The following ADGRG4 variants were observed in gnomAD, a reference collection of about 807,000 sequenced individuals.
The protein encoded by ADGRG4 is adhesion G protein-coupled receptor G4.
Under a neutral mutation model 126.2 loss-of-function variants are expected in ADGRG4, and 122 were observed. The ratio of observed to expected loss-of-function variants is 0.97; its 90% CI spans 0.83 to 1.12. The LOEUF (loss-of-function observed/expected upper bound fraction) is 1.12, where lower values mean the gene tolerates loss of function less well. Among genes scored for constraint, ADGRG4 ranks in the 50% most tolerant of loss-of-function variants. ADGRG4 has a pLI of 0.00. For missense variants in ADGRG4, 2,481 were observed against 2,251.8 expected (o/e 1.10, Z -2.06); for synonymous variants, 943 against 838.7 (o/e 1.12, Z -2.15).
Position 136,395,792 on chromosome X carries a change from A to G in ADGRG4, c.8184+299A>G, listed in dbSNP as rs755283065. On this transcript the variant is annotated intron_variant, in intron 19 of 25. Transcript: ENST00000394143. ...ATTCATTTAGGTTCTTTTCCTGTGT[A>G]TATAGGAATGTACATTTTTGTTTTA... 4.5e-5 allele frequency among the ~76,000 whole-genome samples: 5 copies of G among 112,192 alleles called. No individual in the cohort carries two copies. In the South Asian group the frequency reaches 1.9e-3, roughly 42 times the overall value.
At chrX:136,383,907 T>A (rs2075279503) in intron 15 of ADGRG4, among the ~76,000 whole-genome samples, 1 of 102,729 alleles carries the variant, frequency 9.7e-6, no homozygotes, top group Non-Finnish European at 2.0e-5. Flanking sequence ...TTCCTTTCCT[T>A]TCTTTTTGGA....
chrX:136,379,308 A>G (rs894069867), intron 15 of ADGRG4, among the ~76,000 whole-genome samples: 2 of 111,558 alleles, frequency 1.8e-5, no homozygotes, highest in African/African-American at 3.3e-5. Flanking sequence ...TGTAGGATTT[A>G]TAGCAGGAGT....
At chrX:136,360,178 C>T (rs1024646428) in intron 11 of ADGRG4, among the ~76,000 whole-genome samples, 25 of 111,101 alleles carry the variant, frequency 2.3e-4, no homozygotes, top group Non-Finnish European at 3.6e-4. Flanking sequence ...TGAATGTGTC[C>T]TAAGAATGAG....
At position 136,357,825 on chromosome X, in the gene ADGRG4, T is replaced by C. The variant is rs1261634203; in HGVS notation, c.6980+69T>C. On this transcript the variant is annotated intron_variant, in intron 10 of 25. Transcript: ENST00000394143. ...TTCTGATTTTCCTTCCATTTAATTC[T>C]GCATGTGCGGCCAGTTGGCCAGAGT... 10 of 761,151 alleles carry C rather than the reference T, an allele frequency of 1.3e-5. No homozygotes were observed. In the Middle Eastern group the frequency reaches 2.1e-3, roughly 159 times the overall value. 62.7% of individuals were successfully genotyped at this position (761,151 alleles called of 1,213,427 possible).
chrX:136,409,741 T>C (rs891312064), intron 23 of ADGRG4, among the ~76,000 whole-genome samples: 1 of 112,156 alleles, frequency 8.9e-6, no homozygotes, highest in African/African-American at 3.2e-5. Flanking sequence ...GCCAAGATCT[T>C]CCCAATCAAA....
At chrX:136,307,299 C>A (rs1344410903) in intron 3 of ADGRG4, among the ~76,000 whole-genome samples, 3 of 112,301 alleles carry the variant, frequency 2.7e-5, no homozygotes, top group Non-Finnish European at 5.6e-5. Flanking sequence ...TTATTATCTC[C>A]ATTTTTACAG....
At chrX:136,381,821 A>T (rs1240424588) in intron 15 of ADGRG4, among the ~76,000 whole-genome samples, 1 of 111,361 alleles carries the variant, frequency 9.0e-6, no homozygotes, top group African/African-American at 3.3e-5. Flanking sequence ...CTCAAAATTG[A>T]AGAATTTGGA....
At chrX:136,342,015 C>T (rs1255049772) in intron 5 of ADGRG4, among the ~76,000 whole-genome samples, 2 of 111,787 alleles carry the variant, frequency 1.8e-5, no homozygotes, top group Non-Finnish European at 3.8e-5. Flanking sequence ...ATGACTCAGT[C>T]TTGAATTTTA....
chrX:136,390,915 AG>A (rs1238824397), intron 16 of ADGRG4, among the ~76,000 whole-genome samples: 1 of 110,561 alleles, frequency 9.0e-6, no homozygotes. Context: ...AAGGGGTAAT[AG>A]GGCTTAGGAG....
chrX:136,361,342 C>T (rs867901793), intron 11 of ADGRG4, 113 bp from the exon 12 acceptor site: 2 of 291,592 alleles, frequency 6.9e-6, no homozygotes, highest in African/African-American at 3.0e-5. Flanking sequence ...ATAATAATGA[C>T]GTTCATAATA....
chrX:136,380,525 CTG>C (rs1340982038), intron 15 of ADGRG4, among the ~76,000 whole-genome samples: 2 of 97,888 alleles, frequency 2.0e-5, no homozygotes, highest in Admixed American at 1.1e-4. Flanking sequence ...GCTGCTGCTG[CTG>C]CTGCCTCCTC....
At chrX:136,376,513 A>T (rs1007637483) in intron 15 of ADGRG4, among the ~76,000 whole-genome samples, 1 of 111,912 alleles carries the variant, frequency 8.9e-6, no homozygotes, top group Non-Finnish European at 1.9e-5. Flanking sequence ...GATTCTTTCC[A>T]TCATGAGCAA....
At chrX:136,337,948 G>C (rs2074957099) in intron 5 of ADGRG4, among the ~76,000 whole-genome samples, 1 of 110,794 alleles carries the variant, frequency 9.0e-6, no homozygotes, top group Non-Finnish European at 1.9e-5. Context: ...ATGAATGTTG[G>C]ATATTTTGTT....
chrX:136,317,499 C>CA (rs35736381), intron 4 of ADGRG4, among the ~76,000 whole-genome samples: 416 of 40,437 alleles, frequency 0.01, 5 homozygotes, highest in African/African-American at 0.026. Context: ...GACTCCATCT[C>CA]AAAAAAAAAA....
intron 15 of ADGRG4, among the ~76,000 whole-genome samples, chrX:136,379,583 C>A (rs2075247241): frequency 1.9e-5 from 2 of 107,301 alleles, no homozygotes; most frequent in African/African-American, 6.8e-5. Context: ...CTCTTCTTCC[C>A]TTGCTGTCCT....
intron 8 of ADGRG4, 83 bp from the exon 9 acceptor site, chrX:136,356,043 A>G (rs940661364): frequency 1.5e-5 from 9 of 618,069 alleles, no homozygotes; most frequent in African/African-American, 2.2e-5. Flanking sequence ...TCTGCCTCAG[A>G]GTTGCCTTTC....
intron 14 of ADGRG4, 28 bp from the exon 15 acceptor site, chrX:136,372,874 G>T (rs768868973): frequency 6.7e-6 from 8 of 1,201,193 alleles, no homozygotes; most frequent in Non-Finnish European, 9.0e-6. Flanking sequence ...AAGGTAGGAT[G>T]CTCTTCTCCA....
In ADGRG4 at chrX:136,345,388, C is replaced by T. The variant is rs758524813; in HGVS notation, c.1682C>T (p.Thr561Ile). The change falls in exon 6 of 26, where the codon ACA becomes ATA. Residue 561 changes from threonine to isoleucine, a missense_variant. By Grantham distance (89) the Thr-to-Ile change is moderately conservative. Transcript: ENST00000394143. ...TCCTCTAAGACCTTTTCTTTCTTAA[C>T]ATCCTTTTCATTTACTGGGACTGAG... ...ETSSKTFSFL[T>I]SFSFTGTESV... is the part of the protein sequence containing the mutation. The T allele has an allele frequency of 1.7e-6, 2 of 1,208,412 alleles. No individual in the cohort carries two copies. The highest frequency in any genetic ancestry group is 3.5e-5 in the South Asian group (2 of 56,739).
intron 5 of ADGRG4, among the ~76,000 whole-genome samples, chrX:136,333,324 G>A (rs1037654849): frequency 4.5e-5 from 5 of 110,993 alleles, no homozygotes; most frequent in East Asian, 2.8e-4. Context: ...GGGTTTCACC[G>A]TGTTAGCCAG....
Sources: allele counts gnomAD v4.1 joint callset (sites outside exome capture counted in the v4.1 genomes callset), GRCh38; gene constraint gnomAD v4.1.1; transcripts MANE v1.5; gene names NCBI Gene and HGNC (gene_info 2026-07-23, HGNC 2026-07-21).